Variants in GNAS-AS1 observed in about 807,000 individuals in gnomAD.
The protein encoded by GNAS-AS1 is GNAS antisense RNA 1 (non-protein coding).
intron 4 of GNAS-AS1, among the ~76,000 whole-genome samples, chr20:58,830,478 TCACCATCACCACCATCACCAC>T (rs2085555758): frequency 1.9e-4 from 1 of 5,280 alleles, no homozygotes; most frequent in Non-Finnish European, 3.7e-4. Context: ...ACCACCATCA[TCACCATCACCACCATCACCAC>T]CACACCACCA....
intron 1 of GNAS-AS1, among the ~76,000 whole-genome samples, chr20:58,849,865 G>C (rs1478797480): frequency 6.6e-6 from 1 of 152,140 alleles, no homozygotes; most frequent in African/African-American, 2.4e-5. Context: ...TGCTGCTTCT[G>C]CTTTTCCTAA....
chr20:58,834,306 C>T (rs1231332188), intron 4 of GNAS-AS1: 3 of 152,512 alleles, frequency 2.0e-5, no homozygotes, highest in African/African-American at 7.2e-5. Flanking sequence ...GTGTTTTCAC[C>T]CACAGCTCAC....
At position 58,834,064 on chromosome 20, in the gene GNAS-AS1, G is replaced by A. The variant is rs1177993966; in HGVS notation, n.819+7873C>T. 8 of 152,288 alleles carry A rather than the reference G, an allele frequency of 5.3e-5. No homozygotes were observed. In the East Asian group the frequency reaches 7.7e-4, roughly 15 times the overall value. 9.4% of individuals were successfully genotyped at this position (152,288 alleles called of 1,614,324 possible). On this transcript the variant is annotated intron_variant and non_coding_transcript_variant, in intron 4 of 4. Coordinates refer to ENST00000424094, the Ensembl canonical transcript of GNAS-AS1. ...ATTTCTATGAGCGTGTGCCTAAACC[G>A]TGACAACACTAAGGGTTTCTCCCCT...
intron 4 of GNAS-AS1, among the ~76,000 whole-genome samples, chr20:58,838,007 C>T (rs1333235820): frequency 6.6e-6 from 1 of 152,146 alleles, no homozygotes; most frequent in Non-Finnish European, 1.5e-5. Context: ...CCTGGTGGGC[C>T]ACCCAGTGGT....
intron 4 of GNAS-AS1, among the ~76,000 whole-genome samples, chr20:58,824,563 C>T (rs1052756210): frequency 2.6e-5 from 4 of 152,126 alleles, no homozygotes; most frequent in South Asian, 2.1e-4. Context: ...GGAGGCAGTC[C>T]GAATACGTAC....
At chr20:58,835,154 T>C (rs2085594291) in intron 4 of GNAS-AS1, among the ~76,000 whole-genome samples, 1 of 152,030 alleles carries the variant, frequency 6.6e-6, no homozygotes, top group Admixed American at 6.6e-5. Flanking sequence ...ATTGCCACAG[T>C]GAGGGGTAGC....
At chr20:58,847,666 C>G (rs2085987580) in intron 2 of GNAS-AS1, among the ~76,000 whole-genome samples, 2 of 152,212 alleles carry the variant, frequency 1.3e-5, no homozygotes, top group South Asian at 2.1e-4. Context: ...CCACCCACCT[C>G]CTCCCTGCAA....
chr20:58,845,033 T>G (rs1465495867), intron 2 of GNAS-AS1, among the ~76,000 whole-genome samples: 1 of 104,366 alleles, frequency 9.6e-6, no homozygotes, highest in African/African-American at 2.8e-5. Context: ...GTGTGTGTTT[T>G]ACGTGTGTGT....
intron 4 of GNAS-AS1, among the ~76,000 whole-genome samples, chr20:58,821,685 A>G (rs527395610): frequency 6.4e-4 from 97 of 152,286 alleles, no homozygotes; most frequent in South Asian, 1.7e-3. Context: ...TCTTCAGAAG[A>G]TGAGGGGATC....
At chr20:58,828,100 C>G (rs1291787814) in intron 4 of GNAS-AS1, among the ~76,000 whole-genome samples, 1 of 152,196 alleles carries the variant, frequency 6.6e-6, no homozygotes, top group Non-Finnish European at 1.5e-5. Context: ...ATAACTGGTG[C>G]TTTTGGAACA....
intron 4 of GNAS-AS1, among the ~76,000 whole-genome samples, chr20:58,830,317 A>C: frequency 1.6e-5 from 2 of 121,412 alleles, no homozygotes; most frequent in African/African-American, 3.3e-5. Context: ...CCACCACCAC[A>C]CCATCATCAT....
Position 58,830,339 on chromosome 20 carries a change from T to TCAC in GNAS-AS1, n.820-11087_820-11085dup, listed in dbSNP as rs1313987176. On this transcript the variant is annotated intron_variant and non_coding_transcript_variant, in intron 4 of 4. Transcript: ENST00000424094. ...CACACCATCATCATCACCACCACCA[T>TCAC]CACCACCACACCACCATCACCACCA... 1.4e-3 allele frequency among the ~76,000 whole-genome samples: 40 copies of TCAC among 28,246 alleles called. 5 individuals are homozygous for TCAC. The highest frequency in any genetic ancestry group is 3.1e-3 in the African/African-American group (20 of 6,556). 18.5% of individuals were successfully genotyped at this position (28,246 alleles called of 152,430 possible).
Position 58,839,702 on chromosome 20 carries a change from G to C in GNAS-AS1, n.819+2235C>G, listed in dbSNP as rs1372267184. ...TACTGCACATGCCCGGCAGAAGTCC[G>C]GGCGCGCAACTTCGCAGAACCTCAC... On this transcript the variant is annotated intron_variant and non_coding_transcript_variant, in intron 4 of 4. Coordinates refer to ENST00000424094, the Ensembl canonical transcript of GNAS-AS1. 4 of 466,668 alleles carry C rather than the reference G, an allele frequency of 8.6e-6. No individual in the cohort carries two copies. In the South Asian group the frequency reaches 1.6e-4, roughly 19 times the overall value. The allele number at this position is 466,668 out of a possible 1,614,324, so 28.9% of individuals were successfully genotyped here. A position where few individuals can be genotyped will look rare whatever the true frequency, so the allele number is the denominator to read the frequency against.
intron 4 of GNAS-AS1, among the ~76,000 whole-genome samples, chr20:58,837,181 C>T (rs1041400162): frequency 5.9e-5 from 9 of 152,144 alleles, no homozygotes; most frequent in African/African-American, 1.7e-4. Flanking sequence ...TTTCCCCCAA[C>T]GTGCCCTGAA....
At chr20:58,838,727 G>A (rs1473738535) in intron 4 of GNAS-AS1, 1 of 305,676 alleles carries the variant, frequency 3.3e-6, no homozygotes, top group Non-Finnish European at 5.9e-6. Context: ...AAACCAGCCT[G>A]GCCAATATGG....
Position 58,841,333 on chromosome 20 carries a change from C to T in GNAS-AS1, n.819+604G>A, listed in dbSNP as rs1600659030. The T allele has an allele frequency of 4.7e-6, 5 of 1,055,424 alleles. No individual in the cohort carries two copies. The highest frequency in any genetic ancestry group is 2.3e-6 in the Non-Finnish European group (2 of 873,172). 65.4% of individuals were successfully genotyped at this position (1,055,424 alleles called of 1,614,324 possible). On this transcript the variant is annotated intron_variant and non_coding_transcript_variant, in intron 4 of 4. Coordinates refer to ENST00000424094, the Ensembl canonical transcript of GNAS-AS1. This position sits in a 1 kb window ranked among gnomAD's most constrained non-coding sequence, Gnocchi z 5.0. ...TCGGAGGTGCGCGCGCCAACTTTCA[C>T]GATGTGAGAGCAGCCGCGCTGTAGA...
intron 4 of GNAS-AS1, chr20:58,838,935 A>C (rs2085638115): frequency 7.5e-6 from 3 of 397,592 alleles, no homozygotes; most frequent in Non-Finnish European, 4.4e-6. Flanking sequence ...AAAAAAAAAA[A>C]AAAAAACCTA....
At chr20:58,830,420 C>T (rs1273746880) in intron 4 of GNAS-AS1, among the ~76,000 whole-genome samples, 28 of 140,318 alleles carry the variant, frequency 2.0e-4, no homozygotes, top group South Asian at 4.9e-4. Context: ...ACCATCACCA[C>T]CACCGCCACA....
chr20:58,826,407 A>T (rs931845173), intron 4 of GNAS-AS1, among the ~76,000 whole-genome samples: 9 of 152,132 alleles, frequency 5.9e-5, no homozygotes, highest in African/African-American at 2.2e-4. Context: ...GACAAATGTT[A>T]TGGTAACCCT....
Sources: gnomAD v4.1 joint callset for allele counts (sites outside exome capture counted in the v4.1 genomes callset) on GRCh38, gnomAD v4.1.1 for gene constraint, Gnocchi (gnomAD v3.1) non-coding constraint, MANE v1.5 for transcripts, NCBI Gene and HGNC (gene_info 2026-07-23, HGNC 2026-07-21) for gene names.